Variants in POLN observed in about 807,000 individuals in gnomAD.
The protein encoded by POLN is DNA polymerase N.
A neutral mutation model predicts 113.5 loss-of-function variants in POLN; 108 were observed. The observed-to-expected ratio is 0.95, with a 90% CI of 0.81 to 1.12. POLN has a LOEUF of 1.12. Ranked by LOEUF, POLN falls within the 50% of genes most tolerant of loss-of-function variation. POLN has a pLI of 0.00. For synonymous variants in POLN, 386 were observed against 391.5 expected (o/e 0.99, Z 0.17); for missense variants, 1,097 against 1,077.1 (o/e 1.02, Z -0.26).
chr4:2,078,746 CTA>C (rs1363809789), intron 23 of POLN: 3 of 985,364 alleles, frequency 3.0e-6, no homozygotes, highest in Non-Finnish European at 3.6e-6. Flanking sequence ...TTGCATTTTG[CTA>C]TGAGAAGCAT....
intron 19 of POLN, among the ~76,000 whole-genome samples, chr4:2,103,062 G>C: frequency 6.6e-6 from 1 of 152,112 alleles, no homozygotes. Context: ...TCCAGCAATA[G>C]ATCTTAACCA....
chr4:2,124,903 G>T (rs527866313), intron 19 of POLN, among the ~76,000 whole-genome samples: 3 of 152,162 alleles, frequency 2.0e-5, no homozygotes, highest in Admixed American at 6.5e-5. Context: ...TAGGTAAAAT[G>T]AAAGTTTGTT....
At chr4:2,153,255 T>C (rs746628682) in intron 16 of POLN, among the ~76,000 whole-genome samples, 8 of 152,224 alleles carry the variant, frequency 5.3e-5, no homozygotes, top group Non-Finnish European at 1.2e-4. Context: ...TACAGATATA[T>C]ATGGGCCTAT....
At chr4:2,170,223 G>A (rs919265049) in intron 13 of POLN, among the ~76,000 whole-genome samples, 2 of 151,990 alleles carry the variant, frequency 1.3e-5, no homozygotes, top group African/African-American at 2.4e-5. Flanking sequence ...TCTGAATATC[G>A]ATCTATACTC....
intron 16 of POLN, among the ~76,000 whole-genome samples, chr4:2,148,243 C>T (rs1397513843): frequency 6.6e-6 from 1 of 151,782 alleles, no homozygotes; most frequent in Non-Finnish European, 1.5e-5. Context: ...AGAAGAAAAT[C>T]CAAGGAAAAG....
intron 16 of POLN, among the ~76,000 whole-genome samples, chr4:2,148,671 CCA>C (rs1732212854): frequency 7.0e-6 from 1 of 141,850 alleles, no homozygotes; most frequent in African/African-American, 2.9e-5. Flanking sequence ...TGTCCCCCCC[CCA>C]AAAAAAAAAA....
chr4:2,236,575 T>C lies in POLN; in HGVS notation c.-13+4945A>G, dbSNP rs996343963. ...AGCTAAGTAACAACTTATAAAAATA[T>C]TGGCCGGGTACAGTAGCTCACGCCT... On this transcript the variant is annotated intron_variant, in intron 2 of 25. Coordinates refer to ENST00000511885, the MANE Select transcript of POLN (RefSeq NM_181808.4). The C allele has an allele frequency of 1.6e-4, 113 of 702,944 alleles. 1 individual carries two copies. The highest frequency in any genetic ancestry group is 1.4e-3 in the South Asian group (76 of 55,172). The allele number at this position is 702,944 out of a possible 1,614,324, so 43.5% of individuals were successfully genotyped here.
At chr4:2,216,074 C>T (rs1476547691) in intron 3 of POLN, among the ~76,000 whole-genome samples, 1 of 152,204 alleles carries the variant, frequency 6.6e-6, no homozygotes. Flanking sequence ...CTGGGTGCTT[C>T]CCTGCCCCCA....
intron 19 of POLN, among the ~76,000 whole-genome samples, chr4:2,110,377 AAT>A (rs1429048565): frequency 6.6e-6 from 1 of 152,214 alleles, no homozygotes; most frequent in Non-Finnish European, 1.5e-5. Context: ...GAAGGCAAGA[AAT>A]AACTAAGATC....
chr4:2,170,764 C>T lies in POLN; in HGVS notation c.1469G>A (p.Gly490Asp). 6.2e-7 allele frequency: 1 copy of T among 1,613,966 alleles called. No individual in the cohort carries two copies. Residue 490 changes from glycine (G) to aspartate (D), a missense_variant, in exon 13 of 26, where the codon GGC (glycine) becomes GAC (aspartate). Physicochemically the swap from Gly to Asp is moderately conservative, Grantham distance 94. Transcript: ENST00000511885. ...SNNQLREILFGKLKLHLLSQR... is the reference protein window; with the variant it reads ...SNNQLREILFDKLKLHLLSQR... ...ACTCAGCAGGTGCAGCTTTAACTTG[C>T]CAAAGAGGATCTTCAACAAAACAAA... is the stretch of plus-strand genomic sequence containing the variant.
intron 16 of POLN, among the ~76,000 whole-genome samples, chr4:2,131,881 T>A (rs1486025741): frequency 6.6e-6 from 1 of 152,210 alleles, no homozygotes; most frequent in Non-Finnish European, 1.5e-5. Context: ...TTTCAACTAT[T>A]CAAATCATGA....
intron 3 of POLN, among the ~76,000 whole-genome samples, chr4:2,215,324 G>A (rs1161177649): frequency 6.6e-6 from 1 of 152,156 alleles, no homozygotes; most frequent in East Asian, 1.9e-4. Flanking sequence ...CCCCGCTTAT[G>A]CACACGAAGA....
intron 23 of POLN, chr4:2,078,501 C>A: frequency 1.0e-5 from 7 of 701,522 alleles, no homozygotes; most frequent in Non-Finnish European, 1.2e-5. Flanking sequence ...TAGACAGACT[C>A]TCGCTCTCGC....
chr4:2,144,475 A>T (rs1471629553), intron 16 of POLN, among the ~76,000 whole-genome samples: 1 of 152,124 alleles, frequency 6.6e-6, no homozygotes, highest in Non-Finnish European at 1.5e-5. Context: ...TCTTTTCTTA[A>T]CTAGAAGAAT....
intron 19 of POLN, among the ~76,000 whole-genome samples, chr4:2,108,643 C>G (rs1003989417): frequency 6.6e-6 from 1 of 152,046 alleles, no homozygotes; most frequent in Non-Finnish European, 1.5e-5. Context: ...TTGAAGAATA[C>G]TTTTAGGGTA....
At chr4:2,154,155 G>A (rs1285636678) in intron 16 of POLN, among the ~76,000 whole-genome samples, 10 of 124,664 alleles carry the variant, frequency 8.0e-5, no homozygotes, top group Non-Finnish European at 1.3e-4. Context: ...CTGAGATCAC[G>A]CCACTGCACT....
chr4:2,088,955 C>T (rs1025993946), intron 20 of POLN: 21 of 957,300 alleles, frequency 2.2e-5, no homozygotes, highest in African/African-American at 1.5e-4. Flanking sequence ...GGCCTTGGTC[C>T]GAGACAGAGA....
intron 5 of POLN, 64 bp from the exon 6 acceptor site, chr4:2,198,781 T>C: frequency 7.1e-7 from 1 of 1,401,296 alleles, no homozygotes; most frequent in Non-Finnish European, 9.6e-7. Context: ...AGACATACAT[T>C]TTAAAATTAA....
Position 2,241,707 on chromosome 4 carries a change from G to T in POLN, c.-200C>A. On this transcript the variant is annotated 5_prime_UTR_variant, in exon 2 of 26. Coordinates refer to ENST00000511885, the MANE Select transcript of POLN (RefSeq NM_181808.4). ...AGGCAGCGGCAAGCCCCAGGGATCC[G>T]CGGCCCCAAGGCCGCGATACACCAG... 1 of 985,490 alleles carries T rather than the reference G, an allele frequency of 1.0e-6. No individual in the cohort carries two copies. The highest frequency in any genetic ancestry group is 1.2e-6 in the Non-Finnish European group (1 of 829,960). 61.0% of individuals were successfully genotyped at this position (985,490 alleles called of 1,614,324 possible). A position where few individuals can be genotyped will look rare whatever the true frequency, so the allele number is the denominator to read the frequency against.
Sources: gnomAD v4.1 joint callset for allele counts (sites outside exome capture counted in the v4.1 genomes callset) on GRCh38, gnomAD v4.1.1 for gene constraint, MANE v1.5 for transcripts, NCBI Gene and HGNC (gene_info 2026-07-23, HGNC 2026-07-21) for gene names.